Variants in RPS6KA3 observed in about 807,000 individuals in gnomAD.
The protein encoded by RPS6KA3 is ribosomal protein S6 kinase alpha-3.
RPS6KA3 carries 4 observed loss-of-function variants against 67.2 expected under a neutral mutation model. The ratio of observed to expected loss-of-function variants is 0.06; its 90% CI spans 0.03 to 0.14. RPS6KA3 has a LOEUF of 0.14. RPS6KA3 is among the 10% of genes least tolerant of loss of function. RPS6KA3 has a pLI of 1.00. For missense variants in RPS6KA3, 204 were observed against 559.0 expected, an observed-to-expected ratio of 0.36 and a Z score of 6.40; for synonymous variants, 182 against 183.7, an observed-to-expected ratio of 0.99 and a Z score of 0.07.
At chrX:20,182,292 A>G in intron 10 of RPS6KA3, among the ~76,000 whole-genome samples, 1 of 111,894 alleles carries the variant, frequency 8.9e-6, no homozygotes, top group East Asian at 2.8e-4. Context: ...TTACAAATAG[A>G]ATCATATAGT....
At chrX:20,173,018 T>C in intron 14 of RPS6KA3, 147 bp from the exon 15 acceptor site, 1 of 484,487 alleles carries the variant, frequency 2.1e-6, no homozygotes, top group Admixed American at 3.9e-5. Flanking sequence ...CTTATTATTC[T>C]ACAAACAAGT....
At chrX:20,169,627 A>G in intron 15 of RPS6KA3, 136 bp from the exon 16 acceptor site, 1 of 539,161 alleles carries the variant, frequency 1.9e-6, no homozygotes, top group Non-Finnish European at 3.4e-6. Flanking sequence ...GTTTTATTCA[A>G]CTACCTGGCC....
At chrX:20,166,053 T>C (rs1230452655) in intron 17 of RPS6KA3, among the ~76,000 whole-genome samples, 1 of 112,503 alleles carries the variant, frequency 8.9e-6, no homozygotes, top group Non-Finnish European at 1.9e-5. Flanking sequence ...ATAAAAGTTA[T>C]ATGAATGTGG....
At chrX:20,211,767 C>A (rs774548300) in intron 2 of RPS6KA3, among the ~76,000 whole-genome samples, 108 of 111,131 alleles carry the variant, frequency 9.7e-4, no homozygotes, top group African/African-American at 3.5e-3. Context: ...CAAAAAAAAC[C>A]AAACCAAAAC....
chrX:20,189,983 A>G (rs1201038971), intron 7 of RPS6KA3, among the ~76,000 whole-genome samples: 1 of 111,259 alleles, frequency 9.0e-6, no homozygotes, highest in Non-Finnish European at 1.9e-5. Context: ...ACACATTTAG[A>G]GAGTATAAAG....
At chrX:20,173,940 T>C (rs1483429295) in intron 14 of RPS6KA3, among the ~76,000 whole-genome samples, 1 of 112,450 alleles carries the variant, frequency 8.9e-6, no homozygotes, top group East Asian at 2.8e-4. Flanking sequence ...AAGATTTGAG[T>C]TCATTTTTAT....
intron 7 of RPS6KA3, among the ~76,000 whole-genome samples, 182 bp from the exon 8 acceptor site, chrX:20,188,716 A>G (rs2068048499): frequency 8.9e-6 from 1 of 112,705 alleles, no homozygotes; most frequent in African/African-American, 3.2e-5. Context: ...TTTATAACAA[A>G]GCCCAAAGGC....
rs1215512279 is a variant in RPS6KA3, at chrX:20,266,641, C to A, written c.-9G>T. 6 of 1,134,214 alleles carry A rather than the reference C, an allele frequency of 5.3e-6. No individual in the cohort carries two copies. Among genetic ancestry groups the A allele is most frequent in the Non-Finnish European group, 5.8e-6 (5 of 859,509 alleles). 93.5% of individuals were successfully genotyped at this position (1,134,214 alleles called of 1,213,427 possible). The stretch of plus-strand genomic sequence containing the variant: ...AGCTGCGCCAGCGGCATCTTCCCCC[C>A]CGGCCCGCCGCCTTCACCGCCTCCT... On this transcript the variant is annotated 5_prime_UTR_variant, in exon 1 of 22. Coordinates refer to ENST00000379565, the MANE Select transcript of RPS6KA3 (RefSeq NM_004586.3).
At chrX:20,249,742 T>C (rs773231695) in intron 1 of RPS6KA3, among the ~76,000 whole-genome samples, 1 of 112,447 alleles carries the variant, frequency 8.9e-6, no homozygotes, top group African/African-American at 3.2e-5. Context: ...GTCTTTTTCA[T>C]AGATAAAAGG....
At chrX:20,230,681 C>A (rs1175708901) in intron 2 of RPS6KA3, among the ~76,000 whole-genome samples, 2 of 111,169 alleles carry the variant, frequency 1.8e-5, no homozygotes, top group Non-Finnish European at 3.8e-5. Flanking sequence ...TTAAAGGAAC[C>A]ATAAAACTAT....
rs1353621271 is a variant in RPS6KA3 at position 20,259,216 on chromosome X, A to G, written c.69+7348T>C. On this transcript the variant is annotated intron_variant, in intron 1 of 21. Coordinates refer to ENST00000379565, the MANE Select transcript of RPS6KA3 (RefSeq NM_004586.3). ...ATCTATTCTCTAGTAAGTGAAAACA[A>G]GAAGCAATTAATTTAAACAGGAAAA... 4.5e-5 allele frequency among the ~76,000 whole-genome samples: 5 copies of G among 111,603 alleles called. No homozygotes were observed. The Admixed American group carries it at 4.8e-4, about 11-fold the overall frequency.
intron 1 of RPS6KA3, among the ~76,000 whole-genome samples, chrX:20,235,873 C>T (rs1022334859): frequency 9.0e-6 from 1 of 111,568 alleles, no homozygotes; most frequent in African/African-American, 3.3e-5. Context: ...GAATGCTCAC[C>T]ATAACTTTTA....
At chrX:20,198,073 G>C (rs772964834) in intron 4 of RPS6KA3, among the ~76,000 whole-genome samples, 1 of 112,095 alleles carries the variant, frequency 8.9e-6, no homozygotes, top group South Asian at 3.7e-4. Flanking sequence ...TAATGTTATT[G>C]ACTTGTATTT....
At chrX:20,261,519 G>C (rs1053077083) in intron 1 of RPS6KA3, among the ~76,000 whole-genome samples, 1 of 112,142 alleles carries the variant, frequency 8.9e-6, no homozygotes. Context: ...CTATGTTTCT[G>C]TACATTAGGG....
chrX:20,266,744 G>GGCGGCAGCGGCA lies in RPS6KA3; in HGVS notation c.-124_-113dup, dbSNP rs781064398. On this transcript the variant is annotated 5_prime_UTR_variant, in exon 1 of 22. Transcript: ENST00000379565. ...CGGCAGCGGCGGCGGCGGCGGCGGC[G>GGCGGCAGCGGCA]GCGGCAGCGGCAGCGGCAGCGGCAG... is the stretch of plus-strand genomic sequence containing the variant. 12 of 282,108 alleles carry GGCGGCAGCGGCA rather than the reference G, an allele frequency of 4.3e-5. No homozygotes were observed. The highest frequency in any genetic ancestry group is 5.6e-5 in the Non-Finnish European group (12 of 214,927). The allele number at this position is 282,108 out of a possible 1,213,427, so 23.2% of individuals were successfully genotyped here.
intron 1 of RPS6KA3, among the ~76,000 whole-genome samples, chrX:20,246,050 G>A (rs1459608602): frequency 9.3e-6 from 1 of 107,389 alleles, no homozygotes; most frequent in Admixed American, 1.0e-4. Context: ...CCTGGGAGGC[G>A]GAGGCTGCAG....
intron 7 of RPS6KA3, 32 bp from the exon 8 acceptor site, chrX:20,188,566 A>C: frequency 1.3e-6 from 1 of 771,842 alleles, no homozygotes; most frequent in African/African-American, 2.0e-5. Flanking sequence ...TTTTAAGAAC[A>C]CTAAATAGAG....
intron 7 of RPS6KA3, among the ~76,000 whole-genome samples, chrX:20,188,741 G>A (rs1056488122): frequency 8.9e-6 from 1 of 112,515 alleles, no homozygotes; most frequent in Non-Finnish European, 1.9e-5. Context: ...CCATAAACTT[G>A]TATTAATATG....
intron 1 of RPS6KA3, among the ~76,000 whole-genome samples, chrX:20,240,285 CTTTTTTTTTTTTT>C (rs778713587): frequency 5.5e-5 from 3 of 54,385 alleles, no homozygotes; most frequent in Non-Finnish European, 9.2e-5. Context: ...AAGGACCATA[CTTTTTTTTTTTTT>C]TTTTTTTTTT....
Sources: allele counts gnomAD v4.1 joint callset (sites outside exome capture counted in the v4.1 genomes callset), GRCh38; gene constraint gnomAD v4.1.1; transcripts MANE v1.5; gene names NCBI Gene and HGNC (gene_info 2026-07-23, HGNC 2026-07-21).